The following CCBE1 variants were observed in gnomAD, a reference collection of about 807,000 sequenced individuals.
CCBE1 encodes collagen and calcium-binding EGF domain-containing protein 1.
Under a neutral mutation model 50.0 loss-of-function variants are expected in CCBE1, and 37 were observed. That is an observed-to-expected ratio of 0.74 (90% CI 0.57 to 0.97). The LOEUF is 0.97. Among genes scored for constraint, CCBE1 ranks in the 50% least tolerant of loss-of-function variants. CCBE1 has a pLI of 0.00. For missense variants in CCBE1, 538 were observed against 523.8 expected, an observed-to-expected ratio of 1.03 and a Z score of -0.26; for synonymous variants, 234 against 203.7, an observed-to-expected ratio of 1.15 and a Z score of -1.27.
intron 5 of CCBE1, among the ~76,000 whole-genome samples, chr18:59,461,783 A>C (rs908132235): frequency 5.5e-5 from 8 of 146,490 alleles, no homozygotes; most frequent in African/African-American, 2.1e-4. Context: ...GCCCAAGCCA[A>C]GTGCAATGGT....
intron 3 of CCBE1, among the ~76,000 whole-genome samples, chr18:59,472,607 C>T (rs1335301447): frequency 6.6e-6 from 1 of 152,216 alleles, no homozygotes; most frequent in African/African-American, 2.4e-5. Flanking sequence ...TCTCAGCCTC[C>T]CAAAGCGCTG....
intron 2 of CCBE1, among the ~76,000 whole-genome samples, chr18:59,609,738 T>C (rs1462202191): frequency 2.6e-5 from 4 of 152,382 alleles, no homozygotes; most frequent in Non-Finnish European, 4.4e-5. Flanking sequence ...GCATTTTCTA[T>C]AGAGGGTCTA....
intron 2 of CCBE1, among the ~76,000 whole-genome samples, chr18:59,672,502 A>AT (rs1163585633): frequency 6.6e-6 from 1 of 152,204 alleles, no homozygotes; most frequent in African/African-American, 2.4e-5. Flanking sequence ...TAGACTACTG[A>AT]TTGATGAGGG....
chr18:59,589,244 A>C (rs994511856), intron 2 of CCBE1, among the ~76,000 whole-genome samples: 1 of 152,166 alleles, frequency 6.6e-6, no homozygotes, highest in Admixed American at 6.5e-5. Context: ...CTAGGAGAGG[A>C]TAGTTCATCA....
chr18:59,436,904 C>T (rs774283709), intron 10 of CCBE1, among the ~76,000 whole-genome samples: 12 of 151,980 alleles, frequency 7.9e-5, no homozygotes, highest in African/African-American at 2.7e-4. Context: ...CCCAAGAGGT[C>T]GAGGCTGCAG....
At chr18:59,646,732 T>A (rs1360752420) in intron 2 of CCBE1, among the ~76,000 whole-genome samples, 1 of 152,186 alleles carries the variant, frequency 6.6e-6, no homozygotes, top group African/African-American at 2.4e-5. Flanking sequence ...CATGTAGCAA[T>A]GATTTCAAAA....
chr18:59,537,106 T>G lies in CCBE1; in HGVS notation c.213-56868A>C, dbSNP rs569745092. 3.9e-5 allele frequency among the ~76,000 whole-genome samples: 6 copies of G among 152,154 alleles called. No individual in the cohort carries two copies. The East Asian group carries it at 1.2e-3, about 29-fold the overall frequency. On this transcript the variant is annotated intron_variant, in intron 2 of 10. Coordinates refer to ENST00000439986, the MANE Select transcript of CCBE1 (RefSeq NM_133459.4). ...GGTATATTCAGGAGACCTCTGATCT[T>G]ATCAGCTAAAGACTTAAGAACTATC... is the stretch of plus-strand genomic sequence containing the variant.
intron 2 of CCBE1, among the ~76,000 whole-genome samples, chr18:59,667,362 A>T (rs2054371358): frequency 6.6e-6 from 1 of 152,320 alleles, no homozygotes; most frequent in East Asian, 1.9e-4. Flanking sequence ...CTGCAGATGT[A>T]TTTCTCCAGG....
intron 2 of CCBE1, among the ~76,000 whole-genome samples, chr18:59,493,943 C>T (rs1441949076): frequency 1.3e-5 from 2 of 152,172 alleles, no homozygotes; most frequent in African/African-American, 2.4e-5. Context: ...CAAGCTCTCT[C>T]TCTTTGCCTG....
intron 2 of CCBE1, among the ~76,000 whole-genome samples, chr18:59,549,422 A>G (rs181393542): frequency 5.3e-5 from 8 of 152,324 alleles, no homozygotes; most frequent in African/African-American, 1.7e-4. Flanking sequence ...AGGGCTATAA[A>G]AACAGGTCCC....
intron 2 of CCBE1, among the ~76,000 whole-genome samples, chr18:59,665,555 A>G (rs1239028649): frequency 6.6e-6 from 1 of 152,196 alleles, no homozygotes; most frequent in African/African-American, 2.4e-5. Flanking sequence ...TATTTTATAG[A>G]TCCAACTGCA....
At chr18:59,644,859 A>C (rs779231558) in intron 2 of CCBE1, among the ~76,000 whole-genome samples, 1 of 152,256 alleles carries the variant, frequency 6.6e-6, no homozygotes, top group African/African-American at 2.4e-5. Flanking sequence ...TCTCAAATAA[A>C]AGATTTTCCT....
Position 59,469,586 on chromosome 18 carries a change from G to T in CCBE1, c.287C>A (p.Ala96Asp). 1 of 1,614,168 alleles carries T rather than the reference G, an allele frequency of 6.2e-7. No homozygotes were observed. The highest frequency in any genetic ancestry group is 8.5e-7 in the Non-Finnish European group (1 of 1,180,038). The change falls in exon 4 of 11, where the codon GCT becomes GAT. Residue 96 changes from alanine to aspartate, a missense_variant. Physicochemically the swap from Ala to Asp is moderately radical, Grantham distance 126. Transcript: ENST00000439986. ...GTCCGTGCACTGCTGTTCACAGGGA[G>T]CCTCGGCACAAACGTCGTAATCTGA... The part of the protein sequence containing the change: ...IPEDYDVCAE[A>D]PCEQQCTDNF...
At chr18:59,513,404 T>G (rs1327260482) in intron 2 of CCBE1, among the ~76,000 whole-genome samples, 1 of 152,194 alleles carries the variant, frequency 6.6e-6, no homozygotes, top group Non-Finnish European at 1.5e-5. Flanking sequence ...GAGGGACAAG[T>G]CCAGGTACTG....
chr18:59,501,482 T>G (rs143799591), intron 2 of CCBE1, among the ~76,000 whole-genome samples: 6 of 152,158 alleles, frequency 3.9e-5, no homozygotes, highest in African/African-American at 1.4e-4. Flanking sequence ...ACAAGCTGTG[T>G]GGAAGGGAAC....
At chr18:59,611,570 C>A (rs1461200477) in intron 2 of CCBE1, among the ~76,000 whole-genome samples, 1 of 152,048 alleles carries the variant, frequency 6.6e-6, no homozygotes, top group Admixed American at 6.5e-5. Context: ...CATGGCGAAA[C>A]CCCATCTGTA....
chr18:59,540,546 G>A (rs1268799788), intron 2 of CCBE1, among the ~76,000 whole-genome samples: 1 of 152,024 alleles, frequency 6.6e-6, no homozygotes, highest in Non-Finnish European at 1.5e-5. Flanking sequence ...TGTTCCTTTT[G>A]GACTTCCTAC....
intron 2 of CCBE1, among the ~76,000 whole-genome samples, chr18:59,546,914 A>G (rs1286017272): frequency 2.6e-5 from 4 of 152,008 alleles, no homozygotes; most frequent in Non-Finnish European, 2.9e-5. Flanking sequence ...TAGCAGTAAA[A>G]CAGATTAAAA....
chr18:59,575,452 G>A (rs1295967815), intron 2 of CCBE1, among the ~76,000 whole-genome samples: 1 of 152,148 alleles, frequency 6.6e-6, no homozygotes, highest in Non-Finnish European at 1.5e-5. Flanking sequence ...CAGGAATAAT[G>A]ATGAGATATT....
Sources: allele counts gnomAD v4.1 joint callset (sites outside exome capture counted in the v4.1 genomes callset), GRCh38; gene constraint gnomAD v4.1.1; transcripts MANE v1.5; gene names NCBI Gene and HGNC (gene_info 2026-07-23, HGNC 2026-07-21).